TBC1D32: variants seen among roughly 807,000 people sequenced by gnomAD.
TBC1D32 encodes the protein TBC1 domain family member 32.
A neutral mutation model predicts 170.3 loss-of-function variants in TBC1D32; 151 were observed. That is an observed-to-expected ratio of 0.89 (90% confidence interval 0.78 to 1.01). TBC1D32 has a LOEUF of 1.01. TBC1D32 is among the 50% of genes least tolerant of loss of function. The probability of loss-of-function intolerance (pLI) is 0.00; values close to 1 mark genes in which losing one functional copy is unlikely to be tolerated. For synonymous variants in TBC1D32, 498 were observed against 488.0 expected (o/e 1.02, Z -0.27); for missense variants, 1,464 against 1,457.1 (o/e 1.00, Z -0.08).
chr6:121,190,750 A>G (rs777881777), intron 22 of TBC1D32, among the ~76,000 whole-genome samples: 4 of 152,116 alleles, frequency 2.6e-5, no homozygotes, highest in Non-Finnish European at 5.9e-5. Flanking sequence ...AAATATTATC[A>G]CATCATTAAT....
chr6:121,155,183 T>A (rs903167976), intron 24 of TBC1D32, among the ~76,000 whole-genome samples: 3 of 152,134 alleles, frequency 2.0e-5, no homozygotes, highest in Admixed American at 1.3e-4. Flanking sequence ...CTTTCAGCAA[T>A]GTTTGTAGTT....
intron 15 of TBC1D32, among the ~76,000 whole-genome samples, chr6:121,270,485 C>A (rs1358519778): frequency 6.6e-6 from 1 of 152,140 alleles, no homozygotes; most frequent in African/African-American, 2.4e-5. Flanking sequence ...ATAAACACCT[C>A]TACGCAAATA....
chr6:121,126,775 C>T (rs1780904986), intron 25 of TBC1D32, among the ~76,000 whole-genome samples: 1 of 151,768 alleles, frequency 6.6e-6, no homozygotes, highest in Non-Finnish European at 1.5e-5. Flanking sequence ...ACTAATTATG[C>T]TATAATACCT....
intron 21 of TBC1D32, among the ~76,000 whole-genome samples, chr6:121,216,091 G>C (rs1369950574): frequency 6.6e-6 from 1 of 152,234 alleles, no homozygotes; most frequent in African/African-American, 2.4e-5. Flanking sequence ...GCTGCCAAAG[G>C]AAATTAACAT....
At chr6:121,137,564 A>G (rs1782265380) in intron 24 of TBC1D32, among the ~76,000 whole-genome samples, 1 of 151,740 alleles carries the variant, frequency 6.6e-6, no homozygotes, top group African/African-American at 2.4e-5. Context: ...ATCAAGTTTC[A>G]TGTTTAAAAA....
At chr6:121,090,574 A>G (rs1776703061) in intron 31 of TBC1D32, among the ~76,000 whole-genome samples, 1 of 152,202 alleles carries the variant, frequency 6.6e-6, no homozygotes, top group African/African-American at 2.4e-5. Context: ...AGCCCATAGG[A>G]ATATTTTTAC....
chr6:121,096,619 G>T (rs943039244), intron 30 of TBC1D32, among the ~76,000 whole-genome samples: 1 of 151,976 alleles, frequency 6.6e-6, no homozygotes, highest in African/African-American at 2.4e-5. Flanking sequence ...TGGCCATACT[G>T]CCCAAAGTAA....
Position 121,126,366 on chromosome 6 carries a change from T to G in TBC1D32, c.2983+12A>C. 6.3e-7 allele frequency: 1 copy of G among 1,596,554 alleles called. No individual in the cohort carries two copies. On this transcript the variant is annotated intron_variant, in intron 26 of 31. Transcript: ENST00000398212. Reference sequence around the variant, plus strand: ...TGAGTCTTTTTCAAACTTCACAATGTTTAAAATGTACCTGTATACTCCACT... The same window carrying G: ...TGAGTCTTTTTCAAACTTCACAATGGTTAAAATGTACCTGTATACTCCACT...
chr6:121,268,628 C>T (rs1482317437), intron 15 of TBC1D32, among the ~76,000 whole-genome samples: 2 of 152,140 alleles, frequency 1.3e-5, no homozygotes, highest in Non-Finnish European at 2.9e-5. Context: ...ACCAAATCTA[C>T]GTCTGACTGA....
At chr6:121,135,336 A>T (rs943795697) in intron 24 of TBC1D32, among the ~76,000 whole-genome samples, 30 of 152,146 alleles carry the variant, frequency 2.0e-4, no homozygotes, top group Admixed American at 1.3e-3. Flanking sequence ...AAAGAATATT[A>T]AAAAAAGTTT....
At chr6:121,266,413 CAACA>C (rs1362124838) in intron 15 of TBC1D32, among the ~76,000 whole-genome samples, 3 of 152,050 alleles carry the variant, frequency 2.0e-5, no homozygotes, top group Non-Finnish European at 4.4e-5. Context: ...AGTCAAGGAA[CAACA>C]GATGCTAGAG....
At chr6:121,189,756 G>A (rs1583144083) in intron 22 of TBC1D32, among the ~76,000 whole-genome samples, 1 of 152,068 alleles carries the variant, frequency 6.6e-6, no homozygotes, top group Admixed American at 6.5e-5. Context: ...AGCAGTCTAA[G>A]GACAAGATAT....
At chr6:121,271,056 T>C (rs984948222) in intron 15 of TBC1D32, among the ~76,000 whole-genome samples, 4 of 152,082 alleles carry the variant, frequency 2.6e-5, no homozygotes, top group Admixed American at 1.3e-4. Flanking sequence ...CAATAAAAAT[T>C]CAACAGCCCT....
chr6:121,334,494 C>G, upstream of TBC1D32: 1 of 1,513,042 alleles, frequency 6.6e-7, no homozygotes, highest in Non-Finnish European at 8.9e-7. Flanking sequence ...GCACTGCGCA[C>G]GCGCACGCGC....
chr6:121,223,403 T>A, intron 20 of TBC1D32, 51 bp from the exon 21 acceptor site: 4 of 1,215,384 alleles, frequency 3.3e-6, no homozygotes, highest in African/African-American at 1.5e-5. Flanking sequence ...GTCAACCACA[T>A]CCATGGAGAG....
chr6:121,269,178 T>G (rs1025110461), intron 15 of TBC1D32, among the ~76,000 whole-genome samples: 1 of 152,096 alleles, frequency 6.6e-6, no homozygotes, highest in Non-Finnish European at 1.5e-5. Context: ...GTACAGACCA[T>G]CGAGGCTCGG....
chr6:121,168,712 TAAA>T (rs59283869), intron 22 of TBC1D32, among the ~76,000 whole-genome samples: 17 of 93,902 alleles, frequency 1.8e-4, no homozygotes, highest in East Asian at 8.7e-4. Context: ...TAGAGTATAA[TAAA>T]AAAAAAAAAA....
intron 20 of TBC1D32, among the ~76,000 whole-genome samples, chr6:121,235,690 A>G (rs1165457853): frequency 6.6e-6 from 1 of 152,176 alleles, no homozygotes; most frequent in African/African-American, 2.4e-5. Flanking sequence ...TTTGTTGAGA[A>G]AGCAAGCAGA....
At chr6:121,180,754 T>A (rs1249505457) in intron 22 of TBC1D32, among the ~76,000 whole-genome samples, 1 of 152,084 alleles carries the variant, frequency 6.6e-6, no homozygotes, top group Non-Finnish European at 1.5e-5. Flanking sequence ...GCTAAAAAGC[T>A]TCTGTGCAGT....
Sources: gnomAD v4.1 joint callset for allele counts (sites outside exome capture counted in the v4.1 genomes callset) on GRCh38, gnomAD v4.1.1 for gene constraint, MANE v1.5 for transcripts, NCBI Gene and HGNC (gene_info 2026-07-23, HGNC 2026-07-21) for gene names.